AMMECR1: variants seen among roughly 807,000 people sequenced by gnomAD.
AMMECR1 encodes nuclear protein AMMECR1.
A neutral mutation model predicts 22.5 loss-of-function variants in AMMECR1; 3 were observed. The ratio of observed to expected loss-of-function variants is 0.13; its 90% CI spans 0.06 to 0.35. The LOEUF (loss-of-function observed/expected upper bound fraction) is 0.35, where lower values mean the gene tolerates loss of function less well. Ranked by LOEUF, AMMECR1 falls within the 10% of genes least tolerant of loss-of-function variation. The pLI, the probability that AMMECR1 is intolerant of heterozygous loss-of-function variation, is 1.00. For synonymous variants in AMMECR1, 130 were observed against 116.7 expected (o/e 1.11, Z -0.74); for missense variants, 235 against 278.7 (o/e 0.84, Z 1.12).
intron 2 of AMMECR1, among the ~76,000 whole-genome samples, chrX:110,248,024 C>T (rs2067668050): frequency 2.7e-5 from 3 of 111,715 alleles, no homozygotes; most frequent in Non-Finnish European, 1.9e-5. Context: ...CTACAGAAAG[C>T]ACATTCTAAA....
chrX:110,384,917 T>C (rs998879690), intron 2 of AMMECR1, among the ~76,000 whole-genome samples: 4 of 110,927 alleles, frequency 3.6e-5, no homozygotes, highest in Admixed American at 9.7e-5. Flanking sequence ...CTTCCCTTTG[T>C]TTGGTTTATT....
intron 2 of AMMECR1, among the ~76,000 whole-genome samples, chrX:110,406,288 G>A (rs1299409394): frequency 1.0e-3 from 106 of 106,306 alleles, no homozygotes; most frequent in African/African-American, 3.6e-3. Context: ...CCCGGTGTGT[G>A]ATGTTCCCCT....
chrX:110,364,991 G>T (rs2068287756), intron 2 of AMMECR1, among the ~76,000 whole-genome samples: 1 of 112,016 alleles, frequency 8.9e-6, no homozygotes, highest in African/African-American at 3.2e-5. Context: ...GTAGGAAAAT[G>T]GGAATCTAGA....
chrX:110,352,774 T>C (rs2068216006), intron 2 of AMMECR1, among the ~76,000 whole-genome samples: 1 of 112,103 alleles, frequency 8.9e-6, no homozygotes, highest in Non-Finnish European at 1.9e-5. Context: ...AGCTGCCAAG[T>C]GTGATTAGAA....
intron 1 of AMMECR1, among the ~76,000 whole-genome samples, chrX:110,276,038 C>T: frequency 9.1e-6 from 1 of 110,355 alleles, no homozygotes; most frequent in Non-Finnish European, 1.9e-5. Flanking sequence ...GGTTAATCTG[C>T]TTGATATTGT....
upstream of AMMECR1, among the ~76,000 whole-genome samples, chrX:110,322,329 AGAG>A (rs1368765290): frequency 8.9e-6 from 1 of 112,209 alleles, no homozygotes; most frequent in Non-Finnish European, 1.9e-5. Flanking sequence ...TGGGGCAGTT[AGAG>A]GAGTTGTGAA....
At chrX:110,199,623 C>T (rs943443539) in intron 5 of AMMECR1, among the ~76,000 whole-genome samples, 44 of 111,233 alleles carry the variant, frequency 4.0e-4, no homozygotes, top group South Asian at 1.5e-3. Context: ...TCTAGATTAA[C>T]GCCTTGACTT....
intron 2 of AMMECR1, among the ~76,000 whole-genome samples, chrX:110,394,098 A>C (rs776417895): frequency 8.9e-6 from 1 of 112,381 alleles, no homozygotes; most frequent in African/African-American, 3.2e-5. Flanking sequence ...AACCGCTGTC[A>C]CTCATTGATT....
At chrX:110,307,260 A>AG (rs923215067) in intron 1 of AMMECR1, 2 of 110,243 alleles carry the variant, frequency 1.8e-5, no homozygotes, top group African/African-American at 6.6e-5. Context: ...AAAAAAAAAA[A>AG]AAAGTAAACT....
chrX:110,427,589 G>A (rs964977437), intron 1 of AMMECR1, among the ~76,000 whole-genome samples: 6 of 111,832 alleles, frequency 5.4e-5, no homozygotes, highest in African/African-American at 1.6e-4. Context: ...TGCCTCTCCT[G>A]CAGAGTAATT....
intron 1 of AMMECR1, 127 bp downstream of exon 1, chrX:110,317,472 G>A: frequency 6.7e-6 from 7 of 1,050,705 alleles, no homozygotes; most frequent in Non-Finnish European, 8.6e-6. Flanking sequence ...CAGTTGAGTA[G>A]CTCCGGGGAC....
chrX:110,359,699 A>C (rs1023689055), intron 2 of AMMECR1, among the ~76,000 whole-genome samples: 1 of 111,816 alleles, frequency 8.9e-6, no homozygotes, highest in South Asian at 3.7e-4. Flanking sequence ...CCTGGGTGCA[A>C]AAGTCGGTAT....
intron 1 of AMMECR1, among the ~76,000 whole-genome samples, chrX:110,434,539 G>C (rs1373134399): frequency 9.0e-6 from 1 of 111,564 alleles, no homozygotes; most frequent in Admixed American, 9.5e-5. Flanking sequence ...TGGCTGTCAT[G>C]GGGTCAAGGA....
At chrX:110,329,008 G>A (rs1206255627) in intron 2 of AMMECR1, among the ~76,000 whole-genome samples, 1 of 112,318 alleles carries the variant, frequency 8.9e-6, no homozygotes, top group Non-Finnish European at 1.9e-5. Flanking sequence ...CAGTCAAATG[G>A]TATTCCTTGT....
chrX:110,378,131 G>A (rs984562379), intron 2 of AMMECR1, among the ~76,000 whole-genome samples: 7 of 109,712 alleles, frequency 6.4e-5, no homozygotes, highest in African/African-American at 2.0e-4. Flanking sequence ...TAAATCTTGC[G>A]TTATTCTGCC....
At chrX:110,401,912 G>A (rs762650954) in intron 2 of AMMECR1, among the ~76,000 whole-genome samples, 6 of 111,970 alleles carry the variant, frequency 5.4e-5, no homozygotes, top group Non-Finnish European at 3.8e-5. Context: ...TCAATTTTTA[G>A]TAGTCTTCTG....
chrX:110,373,481 A>G lies in AMMECR1; in HGVS notation c.-148+53177T>C, dbSNP rs371076949. 2.2e-4 allele frequency among the ~76,000 whole-genome samples: 25 copies of G among 111,984 alleles called. No individual in the cohort carries two copies. In the East Asian group the frequency reaches 7.0e-3, roughly 31 times the overall value. On this transcript the variant is annotated intron_variant, in intron 2 of 7. Transcript: ENST00000372057. ...GACCCACCTCCATAACTCAGAGTCCAATTCTTACGGAAGGGTTCTAACAGA... is the reference window on the plus strand; with the variant it reads ...GACCCACCTCCATAACTCAGAGTCCGATTCTTACGGAAGGGTTCTAACAGA...
At chrX:110,377,473 T>C (rs941122425) in intron 2 of AMMECR1, among the ~76,000 whole-genome samples, 1 of 111,631 alleles carries the variant, frequency 9.0e-6, no homozygotes, top group Non-Finnish European at 1.9e-5. Flanking sequence ...GGCTTTCTTT[T>C]TTTCTTTTAA....
At chrX:110,202,299 C>T in intron 4 of AMMECR1, 147 bp downstream of exon 4, 1 of 439,858 alleles carries the variant, frequency 2.3e-6, no homozygotes, top group South Asian at 4.2e-5. Context: ...TTGATACAGA[C>T]ATTGCAGTGG....
Sources: allele counts gnomAD v4.1 joint callset (sites outside exome capture counted in the v4.1 genomes callset), GRCh38; gene constraint gnomAD v4.1.1; transcripts MANE v1.5; gene names NCBI Gene and HGNC (gene_info 2026-07-23, HGNC 2026-07-21).